Variants in RPRD1B observed in about 807,000 individuals in gnomAD.
RPRD1B encodes the protein regulation of nuclear pre-mRNA domain containing 1B.
A neutral mutation model predicts 41.5 loss-of-function variants in RPRD1B; 11 were observed. That is an observed-to-expected ratio of 0.27 (90% CI 0.17 to 0.44). The LOEUF is 0.44. Ranked by LOEUF, RPRD1B falls within the 20% of genes least tolerant of loss-of-function variation. The pLI is 1.00. For synonymous variants in RPRD1B, 158 were observed against 155.6 expected (o/e 1.02, Z -0.12); for missense variants, 248 against 389.9 (o/e 0.64, Z 3.06).
At chr20:38,061,132 G>A (rs2074293173) in intron 5 of RPRD1B, among the ~76,000 whole-genome samples, 1 of 152,076 alleles carries the variant, frequency 6.6e-6, no homozygotes, top group Non-Finnish European at 1.5e-5. Context: ...TTTTAATTGT[G>A]GTAAAATACA....
rs1011203211 is a variant in RPRD1B, at chr20:38,070,001, A to G, written c.831+3745A>G. On this transcript the variant is annotated intron_variant, in intron 6 of 6. Transcript: ENST00000373433. Reference sequence around the variant, plus strand: ...CCATCACTTGATGTAACCTTTTTCTATAGAGAAAAGGGTTTTTTTTTAAGG... The same window carrying G: ...CCATCACTTGATGTAACCTTTTTCTGTAGAGAAAAGGGTTTTTTTTTAAGG... 1.5e-4 allele frequency among the ~76,000 whole-genome samples: 23 copies of G among 149,530 alleles called. No homozygotes were observed. In the South Asian group the frequency reaches 1.9e-3, roughly 12 times the overall value.
At chr20:38,061,629 C>A (rs2074298357) in intron 5 of RPRD1B, among the ~76,000 whole-genome samples, 1 of 152,152 alleles carries the variant, frequency 6.6e-6, no homozygotes, top group African/African-American at 2.4e-5. Flanking sequence ...CTTCCTCTAG[C>A]TACTGCCTCA....
rs2074603993 is a variant in RPRD1B, at chr20:38,090,597, ACAAC to A, written c.*724_*727del. 1.7e-5 allele frequency: 17 copies of A among 985,474 alleles called. No individual in the cohort carries two copies. The South Asian group carries it at 7.0e-4, about 41-fold the overall frequency. 61.0% of individuals were successfully genotyped at this position (985,474 alleles called of 1,614,324 possible). A position where few individuals can be genotyped will look rare whatever the true frequency, so the allele number is the denominator to read the frequency against. On this transcript the variant is annotated 3_prime_UTR_variant, in exon 7 of 7. Transcript: ENST00000373433. Reference sequence around the variant, plus strand: ...ATTTATTTGCTTCAAGTTCCTAGATACAACCTTCCCATGCTGCACTTCTCCACTG... The same window carrying A: ...ATTTATTTGCTTCAAGTTCCTAGATACTTCCCATGCTGCACTTCTCCACTG...
chr20:38,091,901 T>G lies in RPRD1B; in HGVS notation c.*2026T>G. ...TTAAGAAATGAAACTGTAGCAATTA[T>G]GTAAATGAATGTGTTGGCCTCTTAA... On this transcript the variant is annotated 3_prime_UTR_variant, in exon 7 of 7. Transcript: ENST00000373433. The G allele has an allele frequency of 2.0e-6, 2 of 985,866 alleles. No individual in the cohort carries two copies. Among genetic ancestry groups the G allele is most frequent in the African/African-American group, 3.5e-5 (2 of 57,372 alleles). 61.1% of individuals were successfully genotyped at this position (985,866 alleles called of 1,614,324 possible).
At chr20:38,055,551 C>A (rs1165935222) in intron 3 of RPRD1B, among the ~76,000 whole-genome samples, 2 of 152,110 alleles carry the variant, frequency 1.3e-5, no homozygotes, top group Admixed American at 6.5e-5. Flanking sequence ...ATTCCTCTGG[C>A]CATGGATCTA....
Position 38,043,044 on chromosome 20 carries a change from T to C in RPRD1B, c.281+2480T>C, listed in dbSNP as rs926142982. Among the ~76,000 whole-genome samples, 3 of 152,338 alleles carry C rather than the reference T, an allele frequency of 2.0e-5. No individual in the cohort carries two copies. The East Asian group carries it at 5.8e-4, about 29-fold the overall frequency. On this transcript the variant is annotated intron_variant, in intron 2 of 6. Coordinates refer to ENST00000373433, the MANE Select transcript of RPRD1B (RefSeq NM_021215.4). ...TCAACATGTATTGGAGTGCCTTCTA[T>C]GTGCCAAGTATGGATCCAGACACGG...
At chr20:38,034,792 A>G (rs1339558690) in intron 1 of RPRD1B, among the ~76,000 whole-genome samples, 7 of 152,092 alleles carry the variant, frequency 4.6e-5, no homozygotes, top group Non-Finnish European at 8.8e-5. Context: ...CTGACAGACA[A>G]TTCATTGAAC....
intron 1 of RPRD1B, among the ~76,000 whole-genome samples, chr20:38,039,675 A>T (rs921917859): frequency 1.3e-5 from 2 of 151,530 alleles, no homozygotes; most frequent in African/African-American, 4.9e-5. Context: ...AAGTGCTGGG[A>T]TGACAGGCAT....
chr20:38,035,773 T>G (rs556451479), intron 1 of RPRD1B, among the ~76,000 whole-genome samples: 1 of 152,072 alleles, frequency 6.6e-6, no homozygotes, highest in Admixed American at 6.5e-5. Flanking sequence ...TTTTTGTTTT[T>G]TTTTTTTTGA....
rs148553313 is a variant in RPRD1B at position 38,068,398 on chromosome 20, A to G, written c.831+2142A>G. On this transcript the variant is annotated intron_variant, in intron 6 of 6. Transcript: ENST00000373433. Reference sequence around the variant, plus strand: ...GAAAGCAAATGACTAGATACAGTATAAGGTTTTTTTCTGAGATGGAGTCTC... The same window carrying G: ...GAAAGCAAATGACTAGATACAGTATGAGGTTTTTTTCTGAGATGGAGTCTC... Among the ~76,000 whole-genome samples the G allele has an allele frequency of 8.3e-3, 1,267 of 152,226 alleles. 10 individuals carry two copies. Among genetic ancestry groups the G allele is most frequent in the African/African-American group, 0.025 (1,039 of 41,542 alleles).
At chr20:38,056,963 T>C (rs180857113) in intron 3 of RPRD1B, among the ~76,000 whole-genome samples, 15 of 152,318 alleles carry the variant, frequency 9.8e-5, no homozygotes, top group African/African-American at 3.6e-4. Context: ...GCCTCAAAAG[T>C]GGTTAAATTT....
At chr20:38,076,010 A>T (rs1211640684) in intron 6 of RPRD1B, among the ~76,000 whole-genome samples, 2 of 152,232 alleles carry the variant, frequency 1.3e-5, no homozygotes, top group Non-Finnish European at 2.9e-5. Context: ...CTTCAACTCA[A>T]CAAAAATTTA....
Position 38,057,657 on chromosome 20 carries a change from C to A in RPRD1B, c.528+13C>A. The A allele has an allele frequency of 1.9e-6, 3 of 1,572,530 alleles. No individual in the cohort carries two copies. The highest frequency in any genetic ancestry group is 2.6e-6 in the Non-Finnish European group (3 of 1,142,302). ...AGGACCCCTCTTGGTAGGTCTTGAC[C>A]CCCAGAGAGTAGGGAACAGTGGCTT... On this transcript the variant is annotated intron_variant, in intron 4 of 6. Coordinates refer to ENST00000373433, the MANE Select transcript of RPRD1B (RefSeq NM_021215.4).
chr20:38,091,305 T>A lies in RPRD1B; in HGVS notation c.*1430T>A, dbSNP rs796166599. On this transcript the variant is annotated 3_prime_UTR_variant, in exon 7 of 7. Coordinates refer to ENST00000373433, the MANE Select transcript of RPRD1B (RefSeq NM_021215.4). ...AGGATCACCAAAAATTACATGTAAT[T>A]TTACATGTTAAACACATTGAAACAT... is the stretch of plus-strand genomic sequence containing the variant. 3.6e-5 allele frequency: 35 copies of A among 984,364 alleles called. 1 individual carries two copies. In the African/African-American group the frequency reaches 5.1e-4, roughly 14 times the overall value. 61.0% of individuals were successfully genotyped at this position (984,364 alleles called of 1,614,324 possible). A position where few individuals can be genotyped will look rare whatever the true frequency, so the allele number is the denominator to read the frequency against.
chr20:38,065,970 C>T (rs2074350139), intron 5 of RPRD1B, 111 bp from the exon 6 acceptor site: 2 of 1,072,318 alleles, frequency 1.9e-6, no homozygotes, highest in Non-Finnish European at 2.7e-6. Context: ...CTGGCTTATT[C>T]TCAGACTCTG....
intron 6 of RPRD1B, chr20:38,070,269 C>T (rs1055271439): frequency 5.1e-6 from 5 of 985,294 alleles, no homozygotes; most frequent in Middle Eastern, 5.2e-4. Flanking sequence ...CCTTAAACAC[C>T]AGGCAAGGGT....
At chr20:38,051,901 G>T (rs2074188605) in intron 3 of RPRD1B, among the ~76,000 whole-genome samples, 2 of 152,166 alleles carry the variant, frequency 1.3e-5, no homozygotes, top group Non-Finnish European at 2.9e-5. Flanking sequence ...ACAGGCATGT[G>T]CCACCACGCC....
intron 1 of RPRD1B, among the ~76,000 whole-genome samples, chr20:38,038,845 G>C (rs1243130627): frequency 6.6e-6 from 1 of 152,172 alleles, no homozygotes; most frequent in East Asian, 1.9e-4. Context: ...TGCTATGTCA[G>C]ACATATCAAT....
intron 5 of RPRD1B, among the ~76,000 whole-genome samples, chr20:38,060,001 C>A (rs2074282104): frequency 6.6e-6 from 1 of 152,174 alleles, no homozygotes; most frequent in Admixed American, 6.5e-5. Flanking sequence ...TAGTCGTGAC[C>A]TCCCTAGTTA....
Sources: allele counts gnomAD v4.1 joint callset (sites outside exome capture counted in the v4.1 genomes callset), GRCh38; gene constraint gnomAD v4.1.1; transcripts MANE v1.5; gene names NCBI Gene and HGNC (gene_info 2026-07-23, HGNC 2026-07-21).